The following BPTF variants were observed in gnomAD, a reference collection of about 807,000 sequenced individuals.
BPTF encodes the protein bromodomain PHD finger transcription factor, also known as nucleosome-remodeling factor subunit BPTF.
In BPTF, 18 loss-of-function variants were observed where a neutral mutation model predicts 292.5. The ratio of observed to expected loss-of-function variants is 0.06; its 90% CI spans 0.04 to 0.09. The LOEUF (loss-of-function observed/expected upper bound fraction) is 0.09, where lower values mean the gene tolerates loss of function less well. Ranked by LOEUF, BPTF falls within the 10% of genes least tolerant of loss-of-function variation. The pLI is 1.00. For synonymous variants in BPTF, 1,225 were observed against 1,251.9 expected (o/e 0.98, Z 0.45); for missense variants, 2,726 against 3,498.7 (o/e 0.78, Z 5.57).
At chr17:67,867,193 G>C (rs1430869231) in intron 3 of BPTF, among the ~76,000 whole-genome samples, 1 of 152,110 alleles carries the variant, frequency 6.6e-6, no homozygotes, top group Non-Finnish European at 1.5e-5. Context: ...ATACATTTTA[G>C]TGTTTTATTT....
At chr17:67,975,030 G>A (rs1014101648) in intron 26 of BPTF, 1 of 152,080 alleles carries the variant, frequency 6.6e-6, no homozygotes, top group African/African-American at 2.4e-5. Flanking sequence ...GCTATCTAGG[G>A]AATTCCAACC....
intron 1 of BPTF, among the ~76,000 whole-genome samples, chr17:67,848,737 T>G (rs528421160): frequency 1.2e-4 from 18 of 152,114 alleles, no homozygotes; most frequent in Non-Finnish European, 4.4e-5. Flanking sequence ...TGTTACAGAA[T>G]ACAAAGGAGC....
chr17:67,981,593 T>TA, intron 27 of BPTF: 8 of 1,047,412 alleles, frequency 7.6e-6, no homozygotes, highest in Non-Finnish European at 9.2e-6. Flanking sequence ...TGTATCGTGG[T>TA]AAAAAATTTA....
intron 4 of BPTF, chr17:67,875,767 G>T: frequency 6.6e-7 from 1 of 1,504,588 alleles, no homozygotes; most frequent in Non-Finnish European, 8.9e-7. Context: ...GCGTATCAAT[G>T]CCTCTGTAAT....
chr17:67,930,261 T>G lies in BPTF; in HGVS notation c.6150+774T>G, dbSNP rs563438781. Reference sequence around the variant, plus strand: ...TTCCCCAGGCTGGAATGCAATGGCATGATCTCTGCTCACTGCAAACTCCAC... The same window carrying G: ...TTCCCCAGGCTGGAATGCAATGGCAGGATCTCTGCTCACTGCAAACTCCAC... On this transcript the variant is annotated intron_variant, in intron 17 of 27. Transcript: ENST00000306378. 4.6e-5 allele frequency among the ~76,000 whole-genome samples: 7 copies of G among 152,274 alleles called. No homozygotes were observed. The South Asian group carries it at 1.2e-3, about 27-fold the overall frequency.
intron 26 of BPTF, among the ~76,000 whole-genome samples, chr17:67,966,929 A>G (rs1228624163): frequency 3.3e-5 from 5 of 151,484 alleles, no homozygotes; most frequent in African/African-American, 1.2e-4. Context: ...GTGAAACCCC[A>G]TCTCTACTAA....
chr17:67,980,045 CAAAA>C (rs200002880), intron 27 of BPTF, among the ~76,000 whole-genome samples: 3 of 144,814 alleles, frequency 2.1e-5, no homozygotes, highest in East Asian at 2.1e-4. Flanking sequence ...AACAAACAAA[CAAAA>C]AAAAACCTAC....
intron 4 of BPTF, among the ~76,000 whole-genome samples, chr17:67,882,089 C>A (rs2060464206): frequency 6.6e-6 from 1 of 152,086 alleles, no homozygotes; most frequent in South Asian, 2.1e-4. Context: ...CCCACTTCAG[C>A]CTCCCAAAGT....
intron 16 of BPTF, 171 bp from the exon 17 acceptor site, chr17:67,929,165 T>C: frequency 7.2e-7 from 1 of 1,396,098 alleles, no homozygotes; most frequent in Non-Finnish European, 9.3e-7. Flanking sequence ...CAGATCATAC[T>C]GTTGCCATTA....
chr17:67,880,853 T>C (rs1401240002), intron 4 of BPTF, among the ~76,000 whole-genome samples: 1 of 152,058 alleles, frequency 6.6e-6, no homozygotes. Context: ...GCATGATTTA[T>C]GTCCTTTAAA....
At chr17:67,837,192 G>A (rs2057197352) in intron 1 of BPTF, among the ~76,000 whole-genome samples, 1 of 152,126 alleles carries the variant, frequency 6.6e-6, no homozygotes, top group African/African-American at 2.4e-5. Flanking sequence ...AAAAAAACTA[G>A]TCCTATTGAG....
chr17:67,889,187 T>C (rs2060943282), intron 4 of BPTF, among the ~76,000 whole-genome samples: 1 of 152,116 alleles, frequency 6.6e-6, no homozygotes, highest in Admixed American at 6.5e-5. Context: ...ATAGGAGGAA[T>C]ATGGCCTTTG....
intron 17 of BPTF, among the ~76,000 whole-genome samples, chr17:67,930,700 T>G (rs897074787): frequency 2.6e-5 from 4 of 151,934 alleles, no homozygotes; most frequent in Non-Finnish European, 5.9e-5. Flanking sequence ...TGCCAGCACT[T>G]TGGGAGGCTG....
In BPTF at chr17:67,945,499, G is replaced by T. The variant is rs1192950178; in HGVS notation, c.6791G>T (p.Gly2264Val). 10 of 1,613,976 alleles carry T rather than the reference G, an allele frequency of 6.2e-6. No individual in the cohort carries two copies. The highest frequency in any genetic ancestry group is 8.5e-6 in the Non-Finnish European group (10 of 1,180,030). Residue 2264 changes from glycine (G) to valine (V), a missense_variant, in exon 21 of 28, where the codon GGT becomes GTT. Physicochemically the swap from Gly to Val is moderately radical, Grantham distance 109. Around this residue, in one of 22 missense-constraint regions of BPTF, gnomAD observed 570 missense variants for 633.5 expected, o/e 0.90. Coordinates refer to ENST00000306378, the MANE Select transcript of BPTF (RefSeq NM_182641.4). ...TLPPAQSSSV[G>V]PAEAQPQTAQ... Reference sequence around the variant, plus strand: ...CCACCAGCTCAGTCATCAAGTGTGGGTCCAGCAGAAGCCCAGCCACAGACT... The same window carrying T: ...CCACCAGCTCAGTCATCAAGTGTGGTTCCAGCAGAAGCCCAGCCACAGACT...
At chr17:67,834,799 G>A (rs2056998382) in intron 1 of BPTF, among the ~76,000 whole-genome samples, 1 of 152,166 alleles carries the variant, frequency 6.6e-6, no homozygotes, top group African/African-American at 2.4e-5. Flanking sequence ...CTTGAATGCA[G>A]TAGGCAGCAC....
chr17:67,890,190 A>G (rs186522738), intron 4 of BPTF, among the ~76,000 whole-genome samples: 73 of 152,332 alleles, frequency 4.8e-4, no homozygotes, highest in Admixed American at 2.2e-3. Flanking sequence ...TTTGATAGAA[A>G]TACATCAAAC....
intron 23 of BPTF, among the ~76,000 whole-genome samples, chr17:67,953,956 CTTTTCTTTTTTTTTTTTTT>C (rs2066651083): frequency 1.9e-5 from 1 of 53,322 alleles, no homozygotes; most frequent in Non-Finnish European, 3.9e-5. Flanking sequence ...TTTTTCTTTT[CTTTTCTTTTTTTTTTTTTT>C]TTTTTTTTTT....
intron 4 of BPTF, among the ~76,000 whole-genome samples, chr17:67,878,310 A>G (rs746531247): frequency 6.6e-6 from 1 of 152,128 alleles, no homozygotes; most frequent in Non-Finnish European, 1.5e-5. Context: ...GGTTATTTTA[A>G]TGATTTTTGG....
rs1040602072 is a variant in BPTF, at chr17:67,916,597, A to C, written c.5304-2117A>C. On this transcript the variant is annotated intron_variant, in intron 11 of 27. Transcript: ENST00000306378. ...AAGAGCAAAACTCCGTCTCAAAAAA[A>C]TAATAATAATATACAAAAATTAGCT... Among the ~76,000 whole-genome samples the C allele has an allele frequency of 1.2e-4, 18 of 151,686 alleles. No homozygotes were observed. In the East Asian group the frequency reaches 3.3e-3, roughly 28 times the overall value.
Sources: allele counts gnomAD v4.1 joint callset (sites outside exome capture counted in the v4.1 genomes callset), GRCh38; gene constraint gnomAD v4.1.1; regional missense constraint gnomAD v4.1.1; transcripts MANE v1.5; gene names NCBI Gene and HGNC (gene_info 2026-07-23, HGNC 2026-07-21).